Variants in CR2 observed in about 807,000 individuals in gnomAD.
The protein encoded by CR2 is complement C3d receptor 2.
In CR2, 96 loss-of-function variants were observed where a neutral mutation model predicts 123.0. That is an observed-to-expected ratio of 0.78 (90% CI 0.66 to 0.93). The LOEUF (loss-of-function observed/expected upper bound fraction) is 0.93, where lower values mean the gene tolerates loss of function less well. Among genes scored for constraint, CR2 ranks in the 40% least tolerant of loss-of-function variants. The pLI is 0.00. For missense variants in CR2, 1,258 were observed against 1,361.0 expected (o/e 0.92, Z 1.19); for synonymous variants, 484 against 469.5 (o/e 1.03, Z -0.40).
rs1303945667 is a variant in CR2, at chr1:207,470,866, T to A, written c.1352T>A (p.Ile451Lys). The A allele has an allele frequency of 2.5e-6, 4 of 1,613,812 alleles. No homozygotes were observed. Among genetic ancestry groups the A allele is most frequent in the African/African-American group, 2.7e-5 (2 of 74,908 alleles). ...TATGTGCTGGTGGGAGAAGAATCCA[T>A]ACAGTGTACCTCTGAGGGGGTGTGG... is the stretch of plus-strand genomic sequence containing the variant. ...PGYVLVGEESIQCTSEGVWTP... is the reference protein window; with the variant it reads ...PGYVLVGEESKQCTSEGVWTP... Residue 451 changes from isoleucine to lysine, a missense_variant, in exon 7 of 20, where the codon ATA becomes AAA. Ile to Lys is a moderately radical substitution (Grantham distance 102, BLOSUM62 -3). Transcript: ENST00000367057.
chr1:207,475,803 T>A (rs1004984231), intron 14 of CR2, among the ~76,000 whole-genome samples: 19 of 152,180 alleles, frequency 1.2e-4, no homozygotes, highest in African/African-American at 3.9e-4. Context: ...CCCCCTTTGC[T>A]TCCCAGCAAG....
In CR2 at chr1:207,470,616, T is replaced by C. The variant is rs149121703; in HGVS notation, c.1226-124T>C. ...TTACCCAAAGCTGGTCTGCAACATA[T>C]GTTCTGTATCATACAGCTGACGCCA... On this transcript the variant is annotated intron_variant, in intron 6 of 19. Transcript: ENST00000367057. 132 of 894,348 alleles carry C rather than the reference T, an allele frequency of 1.5e-4. No homozygotes were observed. In the African/African-American group the frequency reaches 2.0e-3, roughly 14 times the overall value. The allele number at this position is 894,348 out of a possible 1,614,324, so 55.4% of individuals were successfully genotyped here.
At position 207,468,727 on chromosome 1, in the gene CR2, T is replaced by G; in HGVS notation, c.634+12T>G. On this transcript the variant is annotated intron_variant, in intron 3 of 19. Transcript: ENST00000367057. ...CCCCACATGTGAAGGTACCCTAAAT[T>G]TACAATCTATTTTAAGAATCTGGGC... 6.2e-7 allele frequency: 1 copy of G among 1,613,966 alleles called. No homozygotes were observed. The highest frequency in any genetic ancestry group is 8.5e-7 in the Non-Finnish European group (1 of 1,179,892).
intron 1 of CR2, chr1:207,455,045 A>G (rs1657800166): frequency 6.6e-6 from 1 of 152,342 alleles, no homozygotes; most frequent in Non-Finnish European, 1.5e-5. Context: ...ATCCGTAGTT[A>G]TTTTTGAGAC....
chr1:207,471,874 G>C (rs771155709), intron 9 of CR2: 1 of 310,540 alleles, frequency 3.2e-6, no homozygotes, highest in Non-Finnish European at 6.3e-6. Context: ...TGGACCACTT[G>C]TACAACTCCT....
chr1:207,461,224 C>T (rs1572947079), intron 1 of CR2, among the ~76,000 whole-genome samples: 1 of 152,116 alleles, frequency 6.6e-6, no homozygotes, highest in Non-Finnish European at 1.5e-5. Flanking sequence ...AATCATCCTT[C>T]AAGGCCCTTG....
Position 207,474,909 on chromosome 1 carries a change from C to G in CR2, c.2409C>G (p.Val803=). The change falls in exon 14 of 20, where the codon GTC becomes GTG. Residue 803 remains valine, a synonymous_variant. Transcript: ENST00000367057. ...MAENFLYGNE[V]SYECDQGFYL... is the part of the protein sequence containing the mutation. ...AAAACTTTCTATATGGAAATGAAGT[C>G]TCTTATGAATGTGACCAAGGATTCT... 6.2e-7 allele frequency: 1 copy of G among 1,614,044 alleles called. No homozygotes were observed. The highest frequency in any genetic ancestry group is 8.5e-7 in the Non-Finnish European group (1 of 1,179,966).
chr1:207,485,419 G>C, intron 18 of CR2, 45 bp from the exon 19 acceptor site: 1 of 1,204,752 alleles, frequency 8.3e-7, no homozygotes, highest in Non-Finnish European at 1.2e-6. Context: ...TTGAAACATG[G>C]TCAATGAGTA....
chr1:207,456,773 G>A (rs537047688), intron 1 of CR2, among the ~76,000 whole-genome samples: 10 of 152,178 alleles, frequency 6.6e-5, no homozygotes, highest in East Asian at 1.9e-4. Context: ...AGGCCTTCCC[G>A]TCACATTAGA....
chr1:207,480,082 C>T (rs1439421373), intron 18 of CR2, 29 bp downstream of exon 18: 4 of 1,525,798 alleles, frequency 2.6e-6, no homozygotes, highest in Non-Finnish European at 3.6e-6. Context: ...ACTTGATTGA[C>T]CAACATGCAC....
chr1:207,488,995 A>C (rs34932481), intron 19 of CR2, 147 bp from the exon 20 acceptor site: 2 of 152,276 alleles, frequency 1.3e-5, no homozygotes, highest in Non-Finnish European at 2.9e-5. Context: ...AAGGCCTTTC[A>C]ATAGAATGAT....
chr1:207,466,352 A>C (rs1423034815), intron 1 of CR2, among the ~76,000 whole-genome samples, 174 bp from the exon 2 acceptor site: 1 of 152,234 alleles, frequency 6.6e-6, no homozygotes, highest in Non-Finnish European at 1.5e-5. Flanking sequence ...CTGAGGATCA[A>C]GAAAAAGGTA....
rs191332517 is a variant in CR2, at chr1:207,484,193, C to T, written c.3189-1271C>T. 9.3e-4 allele frequency among the ~76,000 whole-genome samples: 142 copies of T among 152,216 alleles called. 2 individuals carry two copies. The highest frequency in any genetic ancestry group is 1.3e-3 in the Non-Finnish European group (91 of 68,004). Reference sequence around the variant, plus strand: ...TAAAAATTTGCAAATTTGGGGAATGCTTACAAGTGCAAATAATTTATAATA... The same window carrying T: ...TAAAAATTTGCAAATTTGGGGAATGTTTACAAGTGCAAATAATTTATAATA... On this transcript the variant is annotated intron_variant, in intron 18 of 19. Coordinates refer to ENST00000367057, the MANE Select transcript of CR2 (RefSeq NM_001006658.3).
chr1:207,476,260 A>G lies in CR2; in HGVS notation c.2743A>G (p.Lys915Glu), dbSNP rs144005556. 1.2e-5 allele frequency: 20 copies of G among 1,613,790 alleles called. No individual in the cohort carries two copies. The African/African-American group carries it at 2.4e-4, about 19-fold the overall frequency. ...KAFIGCPPPP[K>E]TPNGNHTGGN... ...CTTCATAGGGTGTCCACCTCCGCCT[A>G]AGACCCCTAACGGGAACCATACTGG... Residue 915 changes from lysine (K) to glutamate (E), a missense_variant, in exon 15 of 20, where the codon AAG (lysine) becomes GAG (glutamate). By Grantham distance (56) the Lys-to-Glu change is moderately conservative. Coordinates refer to ENST00000367057, the MANE Select transcript of CR2 (RefSeq NM_001006658.3).
Position 207,489,306 on chromosome 1 carries a change from A to G in CR2, c.*183A>G, listed in dbSNP as rs1400313767. The G allele has an allele frequency of 1.3e-5, 2 of 152,254 alleles. No individual in the cohort carries two copies. Among genetic ancestry groups the G allele is most frequent in the East Asian group, 3.8e-4 (2 of 5,202 alleles). 9.4% of individuals were successfully genotyped at this position (152,254 alleles called of 1,614,324 possible). On this transcript the variant is annotated 3_prime_UTR_variant, in exon 20 of 20. Transcript: ENST00000367057. ...AGAACATCTTTATGGTAAAGATGGG[A>G]GCCCAGTTTCACTGCCATATACTCT... is the stretch of plus-strand genomic sequence containing the variant.
intron 19 of CR2, among the ~76,000 whole-genome samples, chr1:207,486,265 T>C (rs1658748565): frequency 8.3e-6 from 1 of 120,070 alleles, no homozygotes; most frequent in South Asian, 3.2e-4. Flanking sequence ...AAGCCAGCCA[T>C]GTGGCCATAT....
At position 207,469,154 on chromosome 1, in the gene CR2, C is replaced by A; in HGVS notation, c.739C>A (p.Arg247=). The change falls in exon 5 of 20, where the codon CGA becomes AGA. Residue 247 remains arginine (R), a synonymous_variant. Coordinates refer to ENST00000367057, the MANE Select transcript of CR2 (RefSeq NM_001006658.3). ...ATGACAACCTTCTGTCTCCAGGTAT[C>A]GACTGCAAGGCCCACCTTCTAGTCG... The part of the protein sequence containing the change: ...TANFFCDEGY[R]LQGPPSSRCV... 1 of 1,613,742 alleles carries A rather than the reference C, an allele frequency of 6.2e-7. No individual in the cohort carries two copies. Among genetic ancestry groups the A allele is most frequent in the Non-Finnish European group, 8.5e-7 (1 of 1,179,672 alleles).
chr1:207,462,570 A>G (rs957401137), intron 1 of CR2, among the ~76,000 whole-genome samples: 1 of 152,176 alleles, frequency 6.6e-6, no homozygotes, highest in Non-Finnish European at 1.5e-5. Context: ...TGTGTTTTAG[A>G]AAGATAAATG....
chr1:207,454,357 C>T lies in CR2; in HGVS notation c.-62C>T, dbSNP rs1657772457. The T allele has an allele frequency of 4.1e-6, 6 of 1,450,222 alleles. No individual in the cohort carries two copies. Among genetic ancestry groups the T allele is most frequent in the South Asian group, 2.4e-5 (2 of 82,760 alleles). 89.8% of individuals were successfully genotyped at this position (1,450,222 alleles called of 1,614,324 possible). A position where few individuals can be genotyped will look rare whatever the true frequency, so the allele number is the denominator to read the frequency against. ...GCTTGCTGCTCCAGCCTTGCCCTCCCAGAGCTGCCGGACGCTCGCGGGTCT... is the reference window on the plus strand; with the variant it reads ...GCTTGCTGCTCCAGCCTTGCCCTCCTAGAGCTGCCGGACGCTCGCGGGTCT... On this transcript the variant is annotated 5_prime_UTR_variant, in exon 1 of 20. Coordinates refer to ENST00000367057, the MANE Select transcript of CR2 (RefSeq NM_001006658.3). The surrounding 1 kb of genome is among the most constrained non-coding windows in gnomAD (Gnocchi z 4.3).
Sources: allele counts gnomAD v4.1 joint callset (sites outside exome capture counted in the v4.1 genomes callset), GRCh38; gene constraint gnomAD v4.1.1; non-coding constraint Gnocchi (gnomAD v3.1); transcripts MANE v1.5; gene names NCBI Gene and HGNC (gene_info 2026-07-23, HGNC 2026-07-21).